LAMB1: variants seen among roughly 807,000 people sequenced by gnomAD.
LAMB1 encodes the protein laminin subunit beta-1.
A neutral mutation model predicts 222.3 loss-of-function variants in LAMB1; 121 were observed. The observed-to-expected ratio is 0.54, with a 90% confidence interval of 0.47 to 0.63. The LOEUF (loss-of-function observed/expected upper bound fraction) is 0.63. Ranked by LOEUF, LAMB1 falls within the 30% of genes least tolerant of loss-of-function variation. The pLI is 0.00. For synonymous variants in LAMB1, 794 were observed against 807.2 expected, an observed-to-expected ratio of 0.98 and a Z score of 0.28; for missense variants, 2,172 against 2,240.8, an observed-to-expected ratio of 0.97 and a Z score of 0.62.
At chr7:107,990,894 A>G (rs1303473288) in intron 5 of LAMB1, among the ~76,000 whole-genome samples, 3 of 152,216 alleles carry the variant, frequency 2.0e-5, no homozygotes, top group Non-Finnish European at 4.4e-5. Flanking sequence ...CTTAAGAATC[A>G]CAGCCAGTTT....
chr7:107,991,649 G>A (rs562747005), intron 5 of LAMB1, among the ~76,000 whole-genome samples: 114 of 151,600 alleles, frequency 7.5e-4, no homozygotes, highest in African/African-American at 2.6e-3. Context: ...GGTAGCTCAC[G>A]TCTGTAATCC....
Position 107,964,962 on chromosome 7 carries a change from C to T in LAMB1, c.1563-275G>A, listed in dbSNP as rs1425763167. On this transcript the variant is annotated intron_variant, in intron 13 of 33. Transcript: ENST00000222399. ...CATCACATGAAGGTTTTCCACATCC[C>T]AAACCTTCTTGCTTTGGCATGTTAC... Among the ~76,000 whole-genome samples, 6 of 152,178 alleles carry T rather than the reference C, an allele frequency of 3.9e-5. No individual in the cohort carries two copies. The East Asian group carries it at 1.2e-3, about 29-fold the overall frequency.
intron 5 of LAMB1, among the ~76,000 whole-genome samples, chr7:107,994,269 C>T (rs1484136973): frequency 6.6e-6 from 1 of 152,178 alleles, no homozygotes; most frequent in East Asian, 1.9e-4. Context: ...CATTTTACAT[C>T]TCTCAAAGAA....
At position 107,965,111 on chromosome 7, in the gene LAMB1, A is replaced by G. The variant is rs114091272; in HGVS notation, c.1563-424T>C. ...AAGACAGAAGCCCTCAATCCCTCGG[A>G]TGGTCTCTATCAGGGTGAAGGCACT... On this transcript the variant is annotated intron_variant, in intron 13 of 33. Coordinates refer to ENST00000222399, the MANE Select transcript of LAMB1 (RefSeq NM_002291.3). Among the ~76,000 whole-genome samples the G allele has an allele frequency of 3.9e-3, 592 of 152,320 alleles. 2 individuals carry two copies. The highest frequency in any genetic ancestry group is 0.013 in the African/African-American group (538 of 41,580).
rs763834838 is a variant in LAMB1 at position 107,980,591 on chromosome 7, C to T, written c.879+18G>A. 5 of 1,596,142 alleles carry T rather than the reference C, an allele frequency of 3.1e-6. No individual in the cohort carries two copies. Among genetic ancestry groups the T allele is most frequent in the Non-Finnish European group, 4.3e-6 (5 of 1,164,674 alleles). On this transcript the variant is annotated intron_variant, in intron 8 of 33. Transcript: ENST00000222399. ...ACCAGCCACATAAAGGAGAAAGGTGCACAGAGGGCTTACTTACCATTCCTT... is the reference window on the plus strand; with the variant it reads ...ACCAGCCACATAAAGGAGAAAGGTGTACAGAGGGCTTACTTACCATTCCTT...
rs750017088 is a variant in LAMB1, at chr7:107,924,216, G to T, written c.5224+14C>A. The T allele has an allele frequency of 1.6e-5, 25 of 1,583,460 alleles. No homozygotes were observed. Among genetic ancestry groups the T allele is most frequent in the East Asian group, 2.2e-5 (1 of 44,594 alleles). ...AAAGTAATTTAAAAAATAAGCCTGTGTGAAAAGACCCACCTTTGAGCAGTT... is the reference window on the plus strand; with the variant it reads ...AAAGTAATTTAAAAAATAAGCCTGTTTGAAAAGACCCACCTTTGAGCAGTT... On this transcript the variant is annotated intron_variant, in intron 33 of 33. Coordinates refer to ENST00000222399, the MANE Select transcript of LAMB1 (RefSeq NM_002291.3).
intron 5 of LAMB1, among the ~76,000 whole-genome samples, chr7:107,991,988 G>T (rs1258282001): frequency 4.0e-5 from 6 of 151,102 alleles, no homozygotes; most frequent in Non-Finnish European, 8.8e-5. Flanking sequence ...ACACTCCCTA[G>T]CAAGGAGTCA....
intron 6 of LAMB1, 23 bp from the exon 7 acceptor site, chr7:107,986,108 T>C (rs1026687234): frequency 2.5e-5 from 41 of 1,610,896 alleles, no homozygotes; most frequent in Non-Finnish European, 3.3e-5. Context: ...ACAAGAGTAA[T>C]TGGTACTTCT....
intron 13 of LAMB1, among the ~76,000 whole-genome samples, chr7:107,965,464 A>T (rs2033613966): frequency 2.0e-5 from 3 of 152,122 alleles, no homozygotes; most frequent in Non-Finnish European, 4.4e-5. Flanking sequence ...CTGTAATCCC[A>T]GATACTTGGG....
At chr7:107,963,866 A>G (rs905011980) in intron 14 of LAMB1, among the ~76,000 whole-genome samples, 18 of 152,374 alleles carry the variant, frequency 1.2e-4, no homozygotes, top group African/African-American at 4.3e-4. Context: ...TGGGAGGCCA[A>G]GGCGGGCGGA....
At chr7:107,945,566 C>T (rs530111755) in intron 24 of LAMB1, among the ~76,000 whole-genome samples, 27 of 152,370 alleles carry the variant, frequency 1.8e-4, no homozygotes, top group African/African-American at 6.5e-4. Context: ...ATAATTTCCT[C>T]TCTAAATACC....
At chr7:107,943,645 T>C (rs2033046008) in intron 24 of LAMB1, among the ~76,000 whole-genome samples, 1 of 152,124 alleles carries the variant, frequency 6.6e-6, no homozygotes, top group Non-Finnish European at 1.5e-5. Context: ...CATCCCCAGA[T>C]TCTGATTCAG....
rs769474461 is a variant in LAMB1, at chr7:107,931,456, A to G, written c.4437T>C (p.Ala1479=). The change falls in exon 29 of 34, where the codon GCT becomes GCC. Residue 1479 remains alanine, a synonymous_variant. Coordinates refer to ENST00000222399, the MANE Select transcript of LAMB1 (RefSeq NM_002291.3). ...KLRADEAKQS[A]EDILLKTNAT... is the part of the protein sequence containing the mutation. ...CATTTGTCTTCAACAGAATGTCTTC[A>G]GCACTTTGTTTTGCCTCATCTGCCC... The G allele has an allele frequency of 1.2e-6, 2 of 1,613,750 alleles. No individual in the cohort carries two copies. Among genetic ancestry groups the G allele is most frequent in the East Asian group, 4.5e-5 (2 of 44,834 alleles).
intron 12 of LAMB1, 106 bp downstream of exon 12, chr7:107,974,880 C>T (rs927301161): frequency 1.0e-5 from 7 of 690,326 alleles, no homozygotes; most frequent in East Asian, 2.5e-5. Context: ...TCTTTTAACA[C>T]GTACACGTGA....
chr7:107,938,401 T>C (rs2032900535), intron 25 of LAMB1, among the ~76,000 whole-genome samples: 1 of 145,164 alleles, frequency 6.9e-6, no homozygotes, highest in Non-Finnish European at 1.6e-5. Context: ...TTCTCAGGTC[T>C]CATAAAATGA....
At chr7:107,969,746 A>C (rs992057562) in intron 13 of LAMB1, among the ~76,000 whole-genome samples, 1 of 152,242 alleles carries the variant, frequency 6.6e-6, no homozygotes, top group Non-Finnish European at 1.5e-5. Context: ...ACAGCATATT[A>C]CTGTATTGAA....
intron 29 of LAMB1, among the ~76,000 whole-genome samples, chr7:107,931,017 C>T (rs1477523125): frequency 6.6e-6 from 1 of 152,088 alleles, no homozygotes; most frequent in African/African-American, 2.4e-5. Flanking sequence ...AATTACAAAG[C>T]TTTGGGGGCA....
At chr7:108,002,215 G>T in intron 2 of LAMB1, 1 of 1,350,052 alleles carries the variant, frequency 7.4e-7, no homozygotes. Context: ...GGAAGCGAGA[G>T]TGCGTGTGCG....
At chr7:107,936,295 A>G (rs1249317994) in intron 26 of LAMB1, 1 of 152,352 alleles carries the variant, frequency 6.6e-6, no homozygotes, top group Non-Finnish European at 1.5e-5. Flanking sequence ...AATCTCAGCT[A>G]TTCAGAAGTC....
Sources: gnomAD v4.1 joint callset for allele counts (sites outside exome capture counted in the v4.1 genomes callset) on GRCh38, gnomAD v4.1.1 for gene constraint, MANE v1.5 for transcripts, NCBI Gene and HGNC (gene_info 2026-07-23, HGNC 2026-07-21) for gene names.